THSD7A: variants seen among roughly 807,000 people sequenced by gnomAD.
THSD7A encodes the protein thrombospondin type-1 domain-containing protein 7A.
THSD7A carries 96 observed loss-of-function variants against 231.3 expected under a neutral mutation model. The ratio of observed to expected loss-of-function variants is 0.41; its 90% CI spans 0.35 to 0.49. The LOEUF is 0.49. THSD7A is among the 20% of genes least tolerant of loss of function. THSD7A has a pLI of 0.05. For synonymous variants in THSD7A, 940 were observed against 743.3 expected, an observed-to-expected ratio of 1.26 and a Z score of -4.30; for missense variants, 2,290 against 2,070.2, an observed-to-expected ratio of 1.11 and a Z score of -2.06.
intron 13 of THSD7A, among the ~76,000 whole-genome samples, chr7:11,436,654 C>A (rs371216444): frequency 1.3e-5 from 2 of 150,470 alleles, no homozygotes; most frequent in Non-Finnish European, 3.0e-5. Flanking sequence ...TTGAAACATT[C>A]GGAATTTAAG....
intron 2 of THSD7A, among the ~76,000 whole-genome samples, chr7:11,614,707 A>C (rs1562770765): frequency 6.6e-6 from 1 of 151,606 alleles, no homozygotes; most frequent in African/African-American, 2.4e-5. Flanking sequence ...TTGTTCTAGT[A>C]TTTTTTTTTA....
In THSD7A at chr7:11,831,984, C is replaced by G; in HGVS notation, c.-38G>C. The G allele has an allele frequency of 8.3e-7, 1 of 1,210,160 alleles. No homozygotes were observed. The highest frequency in any genetic ancestry group is 1.0e-6 in the Non-Finnish European group (1 of 971,682). 75.0% of individuals were successfully genotyped at this position (1,210,160 alleles called of 1,614,324 possible). On this transcript the variant is annotated 5_prime_UTR_variant, in exon 1 of 28. Transcript: ENST00000423059. This position sits in a 1 kb window ranked among gnomAD's most constrained non-coding sequence, Gnocchi z 5.0. ...CACTCCAGGGTCCAGAGCCGTAGCA[C>G]GCTCGGCAGGGAATTTTTCTCCGCT...
At chr7:11,488,789 C>G (rs1192125161) in intron 6 of THSD7A, among the ~76,000 whole-genome samples, 1 of 152,110 alleles carries the variant, frequency 6.6e-6, no homozygotes, top group Non-Finnish European at 1.5e-5. Context: ...AATCTTCTGT[C>G]ATTGCCTCAC....
At chr7:11,804,963 C>A (rs1475630021) in intron 1 of THSD7A, among the ~76,000 whole-genome samples, 2 of 152,030 alleles carry the variant, frequency 1.3e-5, no homozygotes, top group Non-Finnish European at 2.9e-5. Context: ...CATTCATGAA[C>A]CCTCATATTT....
At chr7:11,460,813 G>C in intron 10 of THSD7A, 48 bp from the exon 11 acceptor site, 1 of 1,465,232 alleles carries the variant, frequency 6.8e-7, no homozygotes, top group African/African-American at 1.4e-5. Flanking sequence ...AAAAATGCCA[G>C]CAAATCACAG....
chr7:11,731,206 G>C (rs1583234286), intron 1 of THSD7A, among the ~76,000 whole-genome samples: 1 of 151,196 alleles, frequency 6.6e-6, no homozygotes, highest in African/African-American at 2.4e-5. Context: ...ATATTTTACT[G>C]TTGCCCTATT....
At chr7:11,626,902 T>C (rs1227997323) in intron 2 of THSD7A, among the ~76,000 whole-genome samples, 2 of 152,300 alleles carry the variant, frequency 1.3e-5, no homozygotes, top group Non-Finnish European at 2.9e-5. Context: ...ATTATCTTAA[T>C]TGAATAAAAC....
rs756857308 is a variant in THSD7A at position 11,446,256 on chromosome 7, G to A, written c.2869C>T (p.Pro957Ser). 1.9e-6 allele frequency: 3 copies of A among 1,613,432 alleles called. No individual in the cohort carries two copies. Among genetic ancestry groups the A allele is most frequent in the South Asian group, 1.1e-5 (1 of 91,072 alleles). The change falls in exon 13 of 28, where the codon CCT becomes TCT. Residue 957 changes from proline (P) to serine (S), a missense_variant. Physicochemically the swap from Pro to Ser is moderately conservative, Grantham distance 74. Transcript: ENST00000423059. The surrounding 1 kb of genome is among the most constrained non-coding windows in gnomAD (Gnocchi z 4.0). ...LYPLIETQYC[P>S]CDKYNAQPVG... ...GGTTGTGCATTATATTTGTCACAAG[G>A]ACAATACTGAGTCTCAATCAGGGGA...
intron 6 of THSD7A, among the ~76,000 whole-genome samples, chr7:11,490,659 C>T (rs1015949323): frequency 6.6e-6 from 1 of 151,986 alleles, no homozygotes; most frequent in Non-Finnish European, 1.5e-5. Flanking sequence ...TTTATATCTT[C>T]ATTCTTGAAT....
intron 1 of THSD7A, among the ~76,000 whole-genome samples, chr7:11,732,878 A>G (rs905194090): frequency 6.6e-6 from 1 of 151,848 alleles, no homozygotes; most frequent in African/African-American, 2.4e-5. Flanking sequence ...AAACAATGCA[A>G]TTTCAAAGAA....
chr7:11,556,441 C>G (rs1020621454), intron 4 of THSD7A, among the ~76,000 whole-genome samples: 2 of 151,626 alleles, frequency 1.3e-5, no homozygotes, highest in African/African-American at 4.8e-5. Context: ...AATATATCGT[C>G]TACGTATTTT....
At chr7:11,688,710 G>A (rs1408485260) in intron 1 of THSD7A, among the ~76,000 whole-genome samples, 1 of 151,796 alleles carries the variant, frequency 6.6e-6, no homozygotes, top group East Asian at 2.0e-4. Flanking sequence ...CGTGGAGCAA[G>A]GAGAGAGTAA....
intron 23 of THSD7A, among the ~76,000 whole-genome samples, chr7:11,388,064 G>C (rs1270981310): frequency 6.6e-6 from 1 of 152,138 alleles, no homozygotes; most frequent in East Asian, 1.9e-4. Context: ...CTTGATTGTG[G>C]TAGATAAGCT....
Position 11,461,992 on chromosome 7 carries a change from T to C in THSD7A, c.2501+19A>G, listed in dbSNP as rs369987377. On this transcript the variant is annotated intron_variant, in intron 10 of 27. Coordinates refer to ENST00000423059, the MANE Select transcript of THSD7A (RefSeq NM_015204.3). ...TATTTGTTCAGCTCCTCCCTCACGA[T>C]GCATTTCTCTAACCCTACCTGTAGC... is the stretch of plus-strand genomic sequence containing the variant. 1.9e-6 allele frequency: 3 copies of C among 1,610,174 alleles called. No individual in the cohort carries two copies. Among genetic ancestry groups the C allele is most frequent in the Non-Finnish European group, 2.5e-6 (3 of 1,177,508 alleles).
intron 6 of THSD7A, among the ~76,000 whole-genome samples, chr7:11,486,486 T>C (rs987816539): frequency 6.6e-6 from 1 of 152,314 alleles, no homozygotes; most frequent in South Asian, 2.1e-4. Context: ...ATAGAACTAT[T>C]TGAGACTTTG....
At chr7:11,388,908 G>A (rs1220867405) in intron 23 of THSD7A, among the ~76,000 whole-genome samples, 1 of 152,150 alleles carries the variant, frequency 6.6e-6, no homozygotes, top group Non-Finnish European at 1.5e-5. Flanking sequence ...CCATGTAGTT[G>A]TGCAGTTTTG....
chr7:11,708,687 T>C (rs1372645080), intron 1 of THSD7A, among the ~76,000 whole-genome samples: 2 of 150,866 alleles, frequency 1.3e-5, no homozygotes, highest in East Asian at 2.0e-4. Flanking sequence ...GTCTGCCTTC[T>C]CTTAATTCAA....
intron 4 of THSD7A, among the ~76,000 whole-genome samples, chr7:11,566,491 T>C (rs1055982088): frequency 7.2e-5 from 11 of 152,202 alleles, no homozygotes; most frequent in Admixed American, 7.2e-4. Context: ...AACACAGCTA[T>C]GAAGGAGTAC....
In THSD7A at chr7:11,790,589, T is replaced by TA. The variant is rs1367411187; in HGVS notation, c.190+41167dup. Among the ~76,000 whole-genome samples the TA allele has an allele frequency of 1.6e-4, 24 of 152,084 alleles. 1 individual carries two copies. In the East Asian group the frequency reaches 4.4e-3, roughly 28 times the overall value. On this transcript the variant is annotated intron_variant, in intron 1 of 27. Coordinates refer to ENST00000423059, the MANE Select transcript of THSD7A (RefSeq NM_015204.3). ...TAAAAAGATGAGATGTTTTTCTATT[T>TA]AAAAATGTTTCTTAAATTTTTTGCT...
Sources: gnomAD v4.1 joint callset for allele counts (sites outside exome capture counted in the v4.1 genomes callset) on GRCh38, gnomAD v4.1.1 for gene constraint, Gnocchi (gnomAD v3.1) non-coding constraint, MANE v1.5 for transcripts, NCBI Gene and HGNC (gene_info 2026-07-23, HGNC 2026-07-21) for gene names.